GNAT3: variants seen among roughly 807,000 people sequenced by gnomAD.
GNAT3 encodes guanine nucleotide-binding protein G(t) subunit alpha-3.
GNAT3 carries 31 observed loss-of-function variants against 37.7 expected under a neutral mutation model. That is an observed-to-expected ratio of 0.82 (90% confidence interval 0.62 to 1.11). The LOEUF (loss-of-function observed/expected upper bound fraction) is 1.11. Ranked by LOEUF, GNAT3 falls within the 50% of genes most tolerant of loss-of-function variation. GNAT3 has a pLI of 0.00. For missense variants in GNAT3, 437 were observed against 412.5 expected (o/e 1.06, Z -0.51); for synonymous variants, 138 against 139.8 (o/e 0.99, Z 0.09).
chr7:80,487,999 C>A (rs918805434), intron 3 of GNAT3, among the ~76,000 whole-genome samples: 2 of 151,956 alleles, frequency 1.3e-5, no homozygotes, highest in African/African-American at 2.4e-5. Context: ...ACCTTACAAA[C>A]GGAACTATGA....
chr7:80,508,624 A>G (rs1242709164), intron 1 of GNAT3, among the ~76,000 whole-genome samples: 1 of 152,028 alleles, frequency 6.6e-6, no homozygotes, highest in Admixed American at 6.6e-5. Flanking sequence ...AGTGTTTCCT[A>G]AAAGCCTACT....
chr7:80,463,532 A>G (rs1790086482), intron 5 of GNAT3, among the ~76,000 whole-genome samples: 1 of 151,932 alleles, frequency 6.6e-6, no homozygotes. Context: ...TATCTCCTCC[A>G]TAAAGAAGCC....
chr7:80,490,723 A>G (rs1001346309), intron 2 of GNAT3, among the ~76,000 whole-genome samples: 1 of 152,166 alleles, frequency 6.6e-6, no homozygotes, highest in Non-Finnish European at 1.5e-5. Context: ...TACAATTATG[A>G]TCTACATTTT....
chr7:80,476,524 G>C (rs1790305017), intron 4 of GNAT3, among the ~76,000 whole-genome samples: 1 of 150,186 alleles, frequency 6.7e-6, no homozygotes, highest in African/African-American at 2.5e-5. Context: ...CAATTTGCTA[G>C]AACTGATGAG....
chr7:80,502,637 C>A (rs1459883111), intron 1 of GNAT3, among the ~76,000 whole-genome samples: 1 of 151,868 alleles, frequency 6.6e-6, no homozygotes, highest in Middle Eastern at 3.2e-3. Flanking sequence ...GCATGTAGTT[C>A]TTACTAGAGT....
At chr7:80,502,705 C>T (rs1366208038) in intron 1 of GNAT3, among the ~76,000 whole-genome samples, 2 of 150,238 alleles carry the variant, frequency 1.3e-5, no homozygotes, top group Non-Finnish European at 3.0e-5. Flanking sequence ...TTTGGTCCTG[C>T]TAAAAAAAAA....
chr7:80,467,237 G>T (rs879660013), intron 5 of GNAT3, among the ~76,000 whole-genome samples: 5 of 152,078 alleles, frequency 3.3e-5, no homozygotes, highest in Non-Finnish European at 5.9e-5. Flanking sequence ...TTAGCATTTT[G>T]TTCATATAGA....
At chr7:80,467,080 TC>T (rs1194504780) in intron 5 of GNAT3, among the ~76,000 whole-genome samples, 31 of 152,252 alleles carry the variant, frequency 2.0e-4, no homozygotes, top group African/African-American at 5.5e-4. Flanking sequence ...GGTGGTTTGT[TC>T]CTAAACTCAC....
chr7:80,465,484 G>T (rs897844162), intron 5 of GNAT3, among the ~76,000 whole-genome samples: 1 of 152,140 alleles, frequency 6.6e-6, no homozygotes, highest in Admixed American at 6.6e-5. Context: ...AATTGCCTAA[G>T]AATTATTATT....
intron 3 of GNAT3, among the ~76,000 whole-genome samples, chr7:80,479,564 TAGTC>T (rs1208636407): frequency 6.6e-6 from 1 of 151,608 alleles, no homozygotes; most frequent in Admixed American, 6.6e-5. Context: ...ACAAAAAAAT[TAGTC>T]AGGGATGTAG....
intron 1 of GNAT3, among the ~76,000 whole-genome samples, chr7:80,510,381 C>T (rs1236577445): frequency 6.6e-6 from 1 of 152,134 alleles, no homozygotes; most frequent in Non-Finnish European, 1.5e-5. Context: ...TGAAAACACA[C>T]ATCTATTGAA....
At position 80,478,957 on chromosome 7, in the gene GNAT3, T is replaced by G; in HGVS notation, c.345A>C (p.Glu115Asp). The part of the protein sequence containing the change: ...RQLYAMANTL[E>D]DGGMTPQLAE... ...CCAGTTGAGGTGTCATGCCACCATCTTCCAGGGTATTTGCCATTGCATAAA... is the reference window on the plus strand; with the variant it reads ...CCAGTTGAGGTGTCATGCCACCATCGTCCAGGGTATTTGCCATTGCATAAA... Residue 115 changes from glutamate (E) to aspartate (D), a missense_variant, in exon 4 of 8, where the codon GAA becomes GAC. Glu to Asp is a conservative substitution (Grantham distance 45). Transcript: ENST00000398291. 3 of 1,613,002 alleles carry G rather than the reference T, an allele frequency of 1.9e-6. No individual in the cohort carries two copies. Among genetic ancestry groups the G allele is most frequent in the Middle Eastern group, 3.3e-4 (2 of 6,048 alleles).
At chr7:80,485,259 C>T (rs1020027319) in intron 3 of GNAT3, among the ~76,000 whole-genome samples, 4 of 151,776 alleles carry the variant, frequency 2.6e-5, no homozygotes, top group Admixed American at 6.6e-5. Flanking sequence ...CTATTCCATC[C>T]TACTTTCTTA....
intron 1 of GNAT3, among the ~76,000 whole-genome samples, chr7:80,500,722 T>A (rs1486590858): frequency 6.6e-6 from 1 of 152,106 alleles, no homozygotes; most frequent in Non-Finnish European, 1.5e-5. Flanking sequence ...TTAATTGGTG[T>A]TTTTTCAATC....
chr7:80,497,415 TATA>T (rs1400478291), intron 1 of GNAT3, among the ~76,000 whole-genome samples: 1 of 151,942 alleles, frequency 6.6e-6, no homozygotes, highest in East Asian at 1.9e-4. Context: ...ACAATAATAT[TATA>T]AAACTGTCCT....
chr7:80,488,864 T>C (rs1047676279), intron 2 of GNAT3, among the ~76,000 whole-genome samples, 188 bp from the exon 3 acceptor site: 7 of 152,154 alleles, frequency 4.6e-5, no homozygotes, highest in African/African-American at 1.4e-4. Context: ...ATTTATACAG[T>C]ATTTTCTTTC....
chr7:80,497,520 T>C (rs1303929852), intron 1 of GNAT3, among the ~76,000 whole-genome samples: 1 of 150,868 alleles, frequency 6.6e-6, no homozygotes, highest in Non-Finnish European at 1.5e-5. Flanking sequence ...TCAGAATATC[T>C]TGTTTCTCTC....
At chr7:80,498,857 T>C (rs1373125457) in intron 1 of GNAT3, among the ~76,000 whole-genome samples, 2 of 152,166 alleles carry the variant, frequency 1.3e-5, no homozygotes, top group Non-Finnish European at 2.9e-5. Flanking sequence ...AATTCATACT[T>C]AGATACTCAT....
chr7:80,494,792 A>T (rs546007571), intron 1 of GNAT3, 145 bp from the exon 2 acceptor site: 1 of 603,062 alleles, frequency 1.7e-6, no homozygotes. Context: ...GATAAACTGC[A>T]TAGTGGTGAA....
Sources: allele counts gnomAD v4.1 joint callset (sites outside exome capture counted in the v4.1 genomes callset), GRCh38; gene constraint gnomAD v4.1.1; transcripts MANE v1.5; gene names NCBI Gene and HGNC (gene_info 2026-07-23, HGNC 2026-07-21).